Variants in NASP observed in about 807,000 individuals in gnomAD.
NASP encodes nuclear autoantigenic sperm protein, also known as NASP histone chaperone.
Under a neutral mutation model 89.5 loss-of-function variants are expected in NASP, and 24 were observed. The ratio of observed to expected loss-of-function variants is 0.27; its 90% CI spans 0.19 to 0.38. The LOEUF (loss-of-function observed/expected upper bound fraction) is 0.38. NASP is among the 10% of genes least tolerant of loss of function. NASP has a pLI of 1.00. For missense variants in NASP, 848 were observed against 921.4 expected (o/e 0.92, Z 1.03); for synonymous variants, 306 against 324.7 (o/e 0.94, Z 0.62).
At chr1:45,598,178 T>C (rs1244929105) in intron 2 of NASP, among the ~76,000 whole-genome samples, 1 of 151,142 alleles carries the variant, frequency 6.6e-6, no homozygotes, top group Non-Finnish European at 1.5e-5. Context: ...GTTACTTTTT[T>C]TTTTTTTTTT....
At chr1:45,606,667 C>T in intron 5 of NASP, 76 bp downstream of exon 5, 9 of 992,458 alleles carry the variant, frequency 9.1e-6, no homozygotes, top group East Asian at 2.6e-5. Flanking sequence ...AAACGGGGCT[C>T]TACCTGTCCT....
intron 13 of NASP, 183 bp from the exon 14 acceptor site, chr1:45,617,280 G>T: frequency 1.6e-6 from 1 of 620,100 alleles, no homozygotes. Flanking sequence ...TGATATGGTG[G>T]GACAGATTAA....
rs1168507195 is a variant in NASP, at chr1:45,618,138, T to G, written c.2364T>G (p.Cys788Trp). The G allele has an allele frequency of 6.3e-7, 1 of 1,589,848 alleles. No homozygotes were observed. Among genetic ancestry groups the G allele is most frequent in the East Asian group, 2.3e-5 (1 of 43,976 alleles). The stretch of plus-strand genomic sequence containing the variant: ...GAGCTACAGTTGAAAGCACTGCATG[T>G]TAAGAGGGGGCACAGCCCTCCTCCC... ...EAGATVESTA[C>W] The change falls in exon 15 of 15, where the codon TGT becomes TGG. Residue 788 changes from cysteine (C) to tryptophan (W), a missense_variant. By Grantham distance (215) the Cys-to-Trp change is radical (BLOSUM62 -2). Around this residue, in one of 5 missense-constraint regions of NASP, gnomAD observed 218 missense variants for 219.6 expected, o/e 0.99. Transcript: ENST00000350030.
Position 45,606,579 on chromosome 1 carries a change from G to T in NASP, c.397G>T (p.Asp133Tyr). 1 of 1,594,064 alleles carries T rather than the reference G, an allele frequency of 6.3e-7. No individual in the cohort carries two copies. The highest frequency in any genetic ancestry group is 2.2e-5 in the East Asian group (1 of 44,762). The change falls in exon 5 of 15, where the codon GAT (aspartate) becomes TAT (tyrosine). Residue 133 changes from aspartate to tyrosine, a missense_variant. Asp to Tyr is a radical substitution (Grantham distance 160). This residue lies in a region of NASP where 464 missense variants were observed against 469.4 expected (regional missense o/e 0.99). Transcript: ENST00000350030. ...AGATGAATCTCTGGTAGAAAATAAT[G>T]ATAACATAGATGGTATGTGGAGTTG... ...TEDESLVENNDNIDEEAREEL... is the reference protein window; with the variant it reads ...TEDESLVENNYNIDEEAREEL...
intron 2 of NASP, among the ~76,000 whole-genome samples, chr1:45,601,355 TATGAG>T (rs1279009415): frequency 1.3e-5 from 2 of 152,200 alleles, no homozygotes; most frequent in African/African-American, 2.4e-5. Flanking sequence ...TTGTATGAGA[TATGAG>T]ATAACAGTTG....
chr1:45,607,154 G>A (rs773843853), intron 5 of NASP, 167 bp from the exon 6 acceptor site: 8 of 679,002 alleles, frequency 1.2e-5, no homozygotes, highest in African/African-American at 5.4e-5. Flanking sequence ...TCTGCTAGCC[G>A]GGATGCTCCC....
intron 3 of NASP, 149 bp from the exon 4 acceptor site, chr1:45,604,787 T>G: frequency 1.7e-6 from 1 of 604,638 alleles, no homozygotes; most frequent in South Asian, 2.1e-5. Context: ...CATGCATTGT[T>G]TAATGTCACT....
chr1:45,602,878 C>A (rs1356438183), intron 3 of NASP, among the ~76,000 whole-genome samples: 1 of 152,194 alleles, frequency 6.6e-6, no homozygotes, highest in Non-Finnish European at 1.5e-5. Context: ...TCCACCTTGG[C>A]CTCCCAGAGT....
chr1:45,614,764 C>A (rs572925328), intron 9 of NASP, among the ~76,000 whole-genome samples: 1 of 152,008 alleles, frequency 6.6e-6, no homozygotes, highest in East Asian at 1.9e-4. Context: ...GTCTTGAACT[C>A]CTGACCTTGT....
intron 9 of NASP, 123 bp downstream of exon 9, chr1:45,614,489 G>A (rs1298461266): frequency 4.0e-6 from 3 of 742,664 alleles, no homozygotes; most frequent in Non-Finnish European, 6.9e-6. Context: ...GTAGACCCTG[G>A]AACAATGAAC....
At chr1:45,602,489 T>C in intron 3 of NASP, 124 bp downstream of exon 3, 1 of 954,136 alleles carries the variant, frequency 1.0e-6, no homozygotes, top group Non-Finnish European at 1.5e-6. Flanking sequence ...TTATTTTTCA[T>C]GTGGTTTGTA....
chr1:45,603,982 CATAA>C (rs1643881644), intron 3 of NASP, among the ~76,000 whole-genome samples: 1 of 152,168 alleles, frequency 6.6e-6, no homozygotes, highest in Admixed American at 6.5e-5. Flanking sequence ...TTTAAGCACA[CATAA>C]ATACTTTCTC....
Position 45,614,290 on chromosome 1 carries a change from T to C in NASP, c.1593-3T>C, listed in dbSNP as rs1412731500. 1.2e-6 allele frequency: 2 copies of C among 1,613,748 alleles called. No individual in the cohort carries two copies. The highest frequency in any genetic ancestry group is 1.7e-6 in the Non-Finnish European group (2 of 1,179,734). On this transcript the variant is annotated splice_region_variant and splice_polypyrimidine_tract_variant and intron_variant, in intron 8 of 14. Coordinates refer to ENST00000350030, the MANE Select transcript of NASP (RefSeq NM_002482.4). ...GGTTTTTGATCAATTTTCCTTCTTT[T>C]AGGCAAGAAACAAAAGAAGCACAGC...
intron 6 of NASP, chr1:45,611,454 T>G (rs1644006893): frequency 7.4e-6 from 1 of 135,884 alleles, no homozygotes; most frequent in Admixed American, 8.0e-5. Context: ...CCATCGCCAT[T>G]ACTTTTTTTT....
chr1:45,590,872 T>G (rs1643531524), intron 1 of NASP, among the ~76,000 whole-genome samples: 1 of 152,110 alleles, frequency 6.6e-6, no homozygotes, highest in Non-Finnish European at 1.5e-5. Context: ...AACTATTCGA[T>G]ATACATGACT....
rs1187836188 is a variant in NASP, at chr1:45,591,896, C to T, written c.107+626C>T. On this transcript the variant is annotated intron_variant, in intron 2 of 14. Transcript: ENST00000350030. ...AGTTCAGTGATGTTATCATAGCTCACCACCACCTCGAACTCCCGGGCTAAA... is the reference window on the plus strand; with the variant it reads ...AGTTCAGTGATGTTATCATAGCTCATCACCACCTCGAACTCCCGGGCTAAA... 3.9e-5 allele frequency among the ~76,000 whole-genome samples: 6 copies of T among 152,174 alleles called. No homozygotes were observed. The East Asian group carries it at 1.2e-3, about 29-fold the overall frequency.
At position 45,593,574 on chromosome 1, in the gene NASP, A is replaced by C. The variant is rs1643608103; in HGVS notation, c.107+2304A>C. 1.4e-5 allele frequency among the ~76,000 whole-genome samples: 2 copies of C among 147,526 alleles called. 1 individual carries two copies. Among genetic ancestry groups the C allele is most frequent in the South Asian group, 4.3e-4 (2 of 4,698 alleles). ...AAAAAAACTCCGAGAACAGTTTTATATTTTTATTTTCATGCTGAAAGTCAG... is the reference window on the plus strand; with the variant it reads ...AAAAAAACTCCGAGAACAGTTTTATCTTTTTATTTTCATGCTGAAAGTCAG... On this transcript the variant is annotated intron_variant, in intron 2 of 14. Transcript: ENST00000350030.
intron 2 of NASP, among the ~76,000 whole-genome samples, chr1:45,594,236 G>A (rs1375371886): frequency 2.0e-5 from 3 of 151,586 alleles, no homozygotes; most frequent in African/African-American, 7.3e-5. Context: ...GGCTGAGGCA[G>A]AAGAATCACT....
chr1:45,608,568 A>C (rs1186081286), intron 6 of NASP, among the ~76,000 whole-genome samples: 3 of 152,192 alleles, frequency 2.0e-5, no homozygotes, highest in Non-Finnish European at 4.4e-5. Flanking sequence ...ACTAACTGCA[A>C]AATAGGCCTT....
Sources: allele counts gnomAD v4.1 joint callset (sites outside exome capture counted in the v4.1 genomes callset), GRCh38; gene constraint gnomAD v4.1.1; regional missense constraint gnomAD v4.1.1; transcripts MANE v1.5; gene names NCBI Gene and HGNC (gene_info 2026-07-23, HGNC 2026-07-21).